Variants in PTCD2 observed in about 807,000 individuals in gnomAD.
PTCD2 encodes pentatricopeptide repeat domain 2, also known as pentatricopeptide repeat-containing protein 2, mitochondrial.
PTCD2 carries 31 observed loss-of-function variants against 42.6 expected under a neutral mutation model. The observed-to-expected ratio is 0.73, with a 90% CI of 0.55 to 0.98. The LOEUF (loss-of-function observed/expected upper bound fraction) is 0.98, where lower values mean the gene tolerates loss of function less well. Among genes scored for constraint, PTCD2 ranks in the 50% least tolerant of loss-of-function variants. The probability of loss-of-function intolerance (pLI) is 0.00; values close to 1 mark genes in which losing one functional copy is unlikely to be tolerated. For synonymous variants in PTCD2, 183 were observed against 170.9 expected (o/e 1.07, Z -0.55); for missense variants, 476 against 454.8 (o/e 1.05, Z -0.42).
In PTCD2 at chr5:72,362,405, T is replaced by C. The variant is rs1331701711; in HGVS notation, c.*3978T>C. The C allele has an allele frequency of 6.6e-6, 1 of 152,242 alleles. No homozygotes were observed. Among genetic ancestry groups the C allele is most frequent in the Non-Finnish European group, 1.5e-5 (1 of 68,050 alleles). The allele number at this position is 152,242 out of a possible 1,614,324, so 9.4% of individuals were successfully genotyped here. A position where few individuals can be genotyped will look rare whatever the true frequency, so the allele number is the denominator to read the frequency against. ...ACACCAAATGCTGGTGTCTTGTTCT[T>C]GGATTTCCCAGCCTTCAGAACTGTG... is the stretch of plus-strand genomic sequence containing the variant. On this transcript the variant is annotated 3_prime_UTR_variant, in exon 10 of 10. Transcript: ENST00000380639.
At chr5:72,339,836 C>T (rs1751963653) in intron 7 of PTCD2, among the ~76,000 whole-genome samples, 1 of 152,046 alleles carries the variant, frequency 6.6e-6, no homozygotes, top group Admixed American at 6.6e-5. Context: ...ACTGCTTTTG[C>T]CCTGAGTTCA....
rs1290492104 is a variant in PTCD2 at position 72,360,890 on chromosome 5, T to A, written c.*2463T>A. 3 of 152,246 alleles carry A rather than the reference T, an allele frequency of 2.0e-5. No homozygotes were observed. The allele number at this position is 152,246 out of a possible 1,614,324, so 9.4% of individuals were successfully genotyped here. A position where few individuals can be genotyped will look rare whatever the true frequency, so the allele number is the denominator to read the frequency against. ...TTAGTAGAGATGGGGTTTCACCATG[T>A]TGGCCAGGCTGGTCTCTAACTCTTA... On this transcript the variant is annotated 3_prime_UTR_variant, in exon 10 of 10. Coordinates refer to ENST00000380639, the MANE Select transcript of PTCD2 (RefSeq NM_024754.5).
chr5:72,322,974 A>C (rs559383556), intron 2 of PTCD2, among the ~76,000 whole-genome samples: 1 of 152,184 alleles, frequency 6.6e-6, no homozygotes, highest in Admixed American at 6.5e-5. Context: ...AGCAGCGTAG[A>C]CCTCATCTCT....
rs1358716159 is a variant in PTCD2, at chr5:72,342,972, C to T, written c.764C>T (p.Ala255Val). ...VALALNQNEM[A>V]KAVSIFSQIM... ...TTCTCTTCCTTCTAGAATGAGATGG[C>T]AAAAGCTGTGTCCATTTTTTCTCAA... Residue 255 changes from alanine (A) to valine (V), a missense_variant, in exon 8 of 10, where the codon GCA becomes GTA. Transcript: ENST00000380639. 1.9e-6 allele frequency: 3 copies of T among 1,593,760 alleles called. No homozygotes were observed. The highest frequency in any genetic ancestry group is 1.3e-5 in the African/African-American group (1 of 74,264).
chr5:72,344,906 A>G (rs183946916), intron 8 of PTCD2, among the ~76,000 whole-genome samples: 3 of 152,124 alleles, frequency 2.0e-5, no homozygotes, highest in Admixed American at 2.0e-4. Context: ...AGGTAAATGG[A>G]GGCAGGGCGA....
intron 4 of PTCD2, 122 bp from the exon 5 acceptor site, chr5:72,334,896 C>G: frequency 1.5e-6 from 1 of 652,020 alleles, no homozygotes; most frequent in South Asian, 1.8e-5. Flanking sequence ...TTAGAGAATT[C>G]AGAAGGCCAA....
chr5:72,368,377 A>G lies in PTCD2; in HGVS notation c.*9950A>G, dbSNP rs1753249386. On this transcript the variant is annotated 3_prime_UTR_variant, in exon 10 of 10. Transcript: ENST00000380639. The stretch of plus-strand genomic sequence containing the variant: ...ATTTTGCTGTCTGTTCACATTTCAA[A>G]TAAACTAATGTGTTATGATTTTTTT... 6.6e-6 allele frequency: 1 copy of G among 152,212 alleles called. No individual in the cohort carries two copies. The highest frequency in any genetic ancestry group is 2.1e-4 in the South Asian group (1 of 4,830). 9.4% of individuals were successfully genotyped at this position (152,212 alleles called of 1,614,324 possible).
At chr5:72,344,629 G>A (rs1246136316) in intron 8 of PTCD2, among the ~76,000 whole-genome samples, 2 of 152,080 alleles carry the variant, frequency 1.3e-5, no homozygotes, top group Non-Finnish European at 2.9e-5. Flanking sequence ...AATAGTTATT[G>A]GGGGAACCTG....
At chr5:72,337,543 C>A (rs946232415) in intron 6 of PTCD2, among the ~76,000 whole-genome samples, 1 of 152,170 alleles carries the variant, frequency 6.6e-6, no homozygotes. Context: ...CACCTGTAAT[C>A]CCAGCACTTT....
rs367949866 is a variant in PTCD2 at position 72,347,757 on chromosome 5, T to A, written c.828+4721T>A. Among the ~76,000 whole-genome samples, 4 of 151,718 alleles carry A rather than the reference T, an allele frequency of 2.6e-5. No individual in the cohort carries two copies. The East Asian group carries it at 7.8e-4, about 29-fold the overall frequency. ...TCCCCCAAATGAGAAGGTGCTTTGGTGGAGCTAAACATGAGCCTGCTGAGC... is the reference window on the plus strand; with the variant it reads ...TCCCCCAAATGAGAAGGTGCTTTGGAGGAGCTAAACATGAGCCTGCTGAGC... On this transcript the variant is annotated intron_variant, in intron 8 of 9. Coordinates refer to ENST00000380639, the MANE Select transcript of PTCD2 (RefSeq NM_024754.5).
intron 1 of PTCD2, among the ~76,000 whole-genome samples, chr5:72,321,753 T>A (rs764094678): frequency 1.1e-4 from 16 of 152,346 alleles, no homozygotes; most frequent in Admixed American, 3.9e-4. Flanking sequence ...CTTTTTCCAC[T>A]ACACTGTGCT....
intron 9 of PTCD2, among the ~76,000 whole-genome samples, chr5:72,357,068 CT>C (rs1465744887): frequency 1.3e-5 from 2 of 152,202 alleles, no homozygotes; most frequent in Admixed American, 6.5e-5. Context: ...CCATCATATA[CT>C]TGTGACTCTA....
At chr5:72,341,056 C>A (rs1475132470) in intron 7 of PTCD2, among the ~76,000 whole-genome samples, 2 of 151,800 alleles carry the variant, frequency 1.3e-5, no homozygotes, top group Non-Finnish European at 2.9e-5. Context: ...CCTCCGCCTC[C>A]TGGGTTAAAG....
chr5:72,351,094 G>A (rs966092992), intron 8 of PTCD2, among the ~76,000 whole-genome samples: 3 of 152,182 alleles, frequency 2.0e-5, no homozygotes, highest in African/African-American at 4.8e-5. Context: ...AAATTTTGGG[G>A]ATAAGTTAAT....
chr5:72,358,324 G>T lies in PTCD2; in HGVS notation c.1064G>T (p.Cys355Phe), dbSNP rs1752984968. ...ACTGATTCTTTGGATGCTGTGCTCT[G>T]CCACACCCCCAGGGACAGGAAATCT... is the stretch of plus-strand genomic sequence containing the variant. ...VTTDSLDAVLCHTPRDRKSHT... is the reference protein window; with the variant it reads ...VTTDSLDAVLFHTPRDRKSHT... Residue 355 changes from cysteine to phenylalanine, a missense_variant, in exon 10 of 10, where the codon TGC becomes TTC. Physicochemically the swap from Cys to Phe is radical, Grantham distance 205 (BLOSUM62 -2). Transcript: ENST00000380639. The T allele has an allele frequency of 1.2e-6, 2 of 1,614,004 alleles. No homozygotes were observed. The highest frequency in any genetic ancestry group is 1.7e-6 in the Non-Finnish European group (2 of 1,179,964).
intron 2 of PTCD2, among the ~76,000 whole-genome samples, chr5:72,322,985 A>G (rs577693592): frequency 6.6e-6 from 1 of 152,140 alleles, no homozygotes; most frequent in African/African-American, 2.4e-5. Flanking sequence ...CCTCATCTCT[A>G]CAAATTTTTT....
At position 72,360,744 on chromosome 5, in the gene PTCD2, G is replaced by T. The variant is rs1362787126; in HGVS notation, c.*2317G>T. ...CTGTCGCCCAGGCTGGAGTGCAGTGGTGTGATCTCAGCTCACTGCAACTTC... is the reference window on the plus strand; with the variant it reads ...CTGTCGCCCAGGCTGGAGTGCAGTGTTGTGATCTCAGCTCACTGCAACTTC... On this transcript the variant is annotated 3_prime_UTR_variant, in exon 10 of 10. Coordinates refer to ENST00000380639, the MANE Select transcript of PTCD2 (RefSeq NM_024754.5). 2 of 145,844 alleles carry T rather than the reference G, an allele frequency of 1.4e-5. No individual in the cohort carries two copies. Among genetic ancestry groups the T allele is most frequent in the East Asian group, 1.9e-4 (1 of 5,166 alleles). The allele number at this position is 145,844 out of a possible 1,614,324, so 9.0% of individuals were successfully genotyped here.
Position 72,358,567 on chromosome 5 carries a change from G to T in PTCD2, c.*140G>T, listed in dbSNP as rs1348854863. ...CCTGAAATTCCCAAATTCACTGAAT[G>T]GTACCATGCCGATCTCTGAGAAGTT... On this transcript the variant is annotated 3_prime_UTR_variant, in exon 10 of 10. Transcript: ENST00000380639. 1 of 646,022 alleles carries T rather than the reference G, an allele frequency of 1.5e-6. No homozygotes were observed. Among genetic ancestry groups the T allele is most frequent in the South Asian group, 1.8e-5 (1 of 54,092 alleles). 40.0% of individuals were successfully genotyped at this position (646,022 alleles called of 1,614,324 possible).
rs756855287 is a variant in PTCD2 at position 72,326,670 on chromosome 5, G to C, written c.279G>C (p.Gly93=). The C allele has an allele frequency of 6.2e-7, 1 of 1,614,010 alleles. No individual in the cohort carries two copies. Among genetic ancestry groups the C allele is most frequent in the South Asian group, 1.1e-5 (1 of 91,074 alleles). ...KLTQNKLILK[G]ELITLLHLCE... is the part of the protein sequence containing the mutation. ...CCCAGAACAAGCTCATCTTGAAGGGGGAGTTGATAACCTTACTACATTTGT... is the reference window on the plus strand; with the variant it reads ...CCCAGAACAAGCTCATCTTGAAGGGCGAGTTGATAACCTTACTACATTTGT... The change falls in exon 3 of 10, where the codon GGG becomes GGC. Residue 93 remains glycine (G), a synonymous_variant. Coordinates refer to ENST00000380639, the MANE Select transcript of PTCD2 (RefSeq NM_024754.5).
Sources: gnomAD v4.1 joint callset for allele counts (sites outside exome capture counted in the v4.1 genomes callset) on GRCh38, gnomAD v4.1.1 for gene constraint, MANE v1.5 for transcripts, NCBI Gene and HGNC (gene_info 2026-07-23, HGNC 2026-07-21) for gene names.